Variants in ELMO1 observed in about 807,000 individuals in gnomAD.
ELMO1 encodes the protein engulfment and cell motility 1.
A neutral mutation model predicts 98.9 loss-of-function variants in ELMO1; 26 were observed. That is an observed-to-expected ratio of 0.26 (90% confidence interval 0.19 to 0.36). The LOEUF (loss-of-function observed/expected upper bound fraction) is 0.36. ELMO1 is among the 10% of genes least tolerant of loss of function. The pLI is 1.00. For synonymous variants in ELMO1, 346 were observed against 346.0 expected, an observed-to-expected ratio of 1.00 and a Z score of 0.00; for missense variants, 627 against 935.2, an observed-to-expected ratio of 0.67 and a Z score of 4.30.
chr7:37,134,173 A>G (rs1198646874), intron 13 of ELMO1, among the ~76,000 whole-genome samples: 1 of 152,216 alleles, frequency 6.6e-6, no homozygotes, highest in Non-Finnish European at 1.5e-5. Context: ...ATGGGAATGT[A>G]AATTAGTACA....
rs780823479 is a variant in ELMO1 at position 37,202,264 on chromosome 7, C to T, written c.1086+9122G>A. 5.9e-5 allele frequency among the ~76,000 whole-genome samples: 9 copies of T among 152,152 alleles called. No homozygotes were observed. In the South Asian group the frequency reaches 8.3e-4, roughly 14 times the overall value. On this transcript the variant is annotated intron_variant, in intron 13 of 21. Transcript: ENST00000310758. ...ATAAGGGATATAGGGAAAAGTGATT[C>T]GATTGACAAAAACCTGCATTATCTT...
intron 7 of ELMO1, among the ~76,000 whole-genome samples, chr7:37,234,545 G>A (rs910400081): frequency 3.9e-5 from 6 of 152,202 alleles, no homozygotes; most frequent in Non-Finnish European, 7.3e-5. Context: ...CAACAGAGGG[G>A]ATGCAACCAG....
At chr7:37,360,725 T>C (rs1282315434) in intron 1 of ELMO1, among the ~76,000 whole-genome samples, 1 of 152,308 alleles carries the variant, frequency 6.6e-6, no homozygotes, top group East Asian at 1.9e-4. Flanking sequence ...AACTGCAAAG[T>C]GTAAAGAGAA....
intron 1 of ELMO1, among the ~76,000 whole-genome samples, chr7:37,409,649 C>T (rs1203592940): frequency 1.3e-5 from 2 of 152,178 alleles, no homozygotes; most frequent in South Asian, 2.1e-4. Context: ...GGACTCTCCA[C>T]GGGCTGTTTG....
At chr7:37,063,265 C>T (rs1472109581) in intron 15 of ELMO1, among the ~76,000 whole-genome samples, 1 of 152,144 alleles carries the variant, frequency 6.6e-6, no homozygotes, top group Non-Finnish European at 1.5e-5. Context: ...ACTGTATTAC[C>T]TGAGGAGGGC....
chr7:36,940,904 A>G (rs143929071), intron 16 of ELMO1, among the ~76,000 whole-genome samples: 26 of 152,356 alleles, frequency 1.7e-4, no homozygotes, highest in African/African-American at 6.0e-4. Context: ...TATAGTTAGG[A>G]AAGTTATAAA....
At chr7:36,933,841 A>C (rs1018310835) in intron 16 of ELMO1, among the ~76,000 whole-genome samples, 1 of 152,222 alleles carries the variant, frequency 6.6e-6, no homozygotes, top group Admixed American at 6.5e-5. Context: ...TGTTCAAAAG[A>C]GGCAGGGCTC....
chr7:37,072,501 T>G (rs920812048), intron 15 of ELMO1, among the ~76,000 whole-genome samples: 1 of 152,234 alleles, frequency 6.6e-6, no homozygotes, highest in African/African-American at 2.4e-5. Flanking sequence ...ATCAGCAGCA[T>G]GAAAACACAA....
At chr7:37,077,292 C>T (rs1272092218) in intron 15 of ELMO1, among the ~76,000 whole-genome samples, 3 of 152,184 alleles carry the variant, frequency 2.0e-5, no homozygotes, top group Non-Finnish European at 4.4e-5. Flanking sequence ...GCTGTGCCCT[C>T]AGGGAGAGAG....
chr7:37,414,610 G>T (rs2052683), intron 1 of ELMO1, among the ~76,000 whole-genome samples: 25,481 of 152,142 alleles, frequency 0.17, 2,309 homozygotes, highest in South Asian at 0.26. Flanking sequence ...ATCCTGTTTG[G>T]CAGAGACAGA....
At chr7:36,873,038 C>A (rs911113648) in intron 19 of ELMO1, among the ~76,000 whole-genome samples, 12 of 152,146 alleles carry the variant, frequency 7.9e-5, no homozygotes, top group African/African-American at 2.9e-4. Flanking sequence ...AGAAGCGTCA[C>A]TTTTTCACTA....
chr7:36,936,050 CCT>C (rs1459820378), intron 16 of ELMO1, among the ~76,000 whole-genome samples: 1 of 152,156 alleles, frequency 6.6e-6, no homozygotes. Context: ...AGCCCTAGCA[CCT>C]GAGTGAATGC....
In ELMO1 at chr7:37,050,774, A is replaced by G. The variant is rs555703614; in HGVS notation, c.1301-37339T>C. Among the ~76,000 whole-genome samples the G allele has an allele frequency of 2.0e-5, 3 of 151,898 alleles. 1 individual carries two copies. The East Asian group carries it at 5.8e-4, about 29-fold the overall frequency. On this transcript the variant is annotated intron_variant, in intron 15 of 21. Coordinates refer to ENST00000310758, the MANE Select transcript of ELMO1 (RefSeq NM_014800.11). ...CCTTAAATACATACAATTACCAAAAAAAAAAACCCTATTTGATAGATGTAG... is the reference window on the plus strand; with the variant it reads ...CCTTAAATACATACAATTACCAAAAGAAAAAACCCTATTTGATAGATGTAG...
chr7:36,863,431 T>C (rs1008783235), intron 20 of ELMO1, among the ~76,000 whole-genome samples: 6 of 152,182 alleles, frequency 3.9e-5, no homozygotes, highest in African/African-American at 1.4e-4. Context: ...TATAAATTCA[T>C]ATCATTCTTT....
chr7:36,897,428 C>G (rs1382037491), intron 16 of ELMO1, among the ~76,000 whole-genome samples: 1 of 150,648 alleles, frequency 6.6e-6, no homozygotes, highest in Non-Finnish European at 1.5e-5. Context: ...GTTACAAGAG[C>G]CTTTTCTTTT....
chr7:37,375,444 C>T, intron 1 of ELMO1: 1 of 637,092 alleles, frequency 1.6e-6, no homozygotes, highest in Non-Finnish European at 2.8e-6. Flanking sequence ...ATAGCAAGGG[C>T]AGTCAGCCCG....
At chr7:36,890,478 A>G (rs1359411209) in intron 17 of ELMO1, among the ~76,000 whole-genome samples, 3 of 152,122 alleles carry the variant, frequency 2.0e-5, no homozygotes, top group Non-Finnish European at 4.4e-5. Flanking sequence ...TCCAAAGCCG[A>G]ACTTCTGATC....
intron 1 of ELMO1, chr7:37,353,809 A>G (rs983032558): frequency 1.4e-4 from 21 of 152,228 alleles, no homozygotes; most frequent in African/African-American, 4.8e-4. Flanking sequence ...CTAGACACAG[A>G]GTGCTGATTG....
rs569138626 is a variant in ELMO1 at position 36,920,218 on chromosome 7, A to G, written c.1438-25201T>C. On this transcript the variant is annotated intron_variant, in intron 16 of 21. Transcript: ENST00000310758. ...AAAAATATTTGCTGAATAGAAGTCA[A>G]TGAGTATGTGAAAATGAATGAATGA... Among the ~76,000 whole-genome samples, 11 of 152,356 alleles carry G rather than the reference A, an allele frequency of 7.2e-5. No individual in the cohort carries two copies. The East Asian group carries it at 1.2e-3, about 16-fold the overall frequency.
Sources: gnomAD v4.1 joint callset for allele counts (sites outside exome capture counted in the v4.1 genomes callset) on GRCh38, gnomAD v4.1.1 for gene constraint, MANE v1.5 for transcripts, NCBI Gene and HGNC (gene_info 2026-07-23, HGNC 2026-07-21) for gene names.